Variants in FHIT observed in about 807,000 individuals in gnomAD.
FHIT encodes bis(5'-adenosyl)-triphosphatase.
In FHIT, 19 loss-of-function variants were observed where a neutral mutation model predicts 17.9. The ratio of observed to expected loss-of-function variants is 1.06; its 90% CI spans 0.74 to 1.56. The LOEUF is 1.56. FHIT is among the 40% of genes most tolerant of loss of function. FHIT has a pLI of 0.00. For synonymous variants in FHIT, 81 were observed against 69.7 expected (o/e 1.16, Z -0.81); for missense variants, 248 against 189.2 (o/e 1.31, Z -1.82).
At chr3:59,928,470 G>C (rs1230141978) in intron 7 of FHIT, among the ~76,000 whole-genome samples, 1 of 152,180 alleles carries the variant, frequency 6.6e-6, no homozygotes, top group Non-Finnish European at 1.5e-5. Context: ...GAGACTGGCA[G>C]AAAGGATTTG....
At chr3:60,214,269 G>A (rs530962223) in intron 5 of FHIT, among the ~76,000 whole-genome samples, 2 of 152,076 alleles carry the variant, frequency 1.3e-5, no homozygotes, top group Non-Finnish European at 2.9e-5. Context: ...AGATGAAATA[G>A]TTTCTAAATA....
At chr3:60,296,921 CA>C (rs34680230) in intron 5 of FHIT, among the ~76,000 whole-genome samples, 58,269 of 115,150 alleles carry the variant, frequency 0.51, 12,655 homozygotes, top group East Asian at 0.83. Flanking sequence ...TTTATTTTTG[CA>C]AAAAAAAAAA....
chr3:60,543,948 CAG>C (rs2036275863), intron 4 of FHIT, among the ~76,000 whole-genome samples: 1 of 56,220 alleles, frequency 1.8e-5, no homozygotes, highest in South Asian at 7.3e-4. Flanking sequence ...TTAGTAGAGA[CAG>C]GGTTTCACTG....
chr3:60,879,537 A>G (rs940649523), intron 3 of FHIT, among the ~76,000 whole-genome samples: 1 of 152,248 alleles, frequency 6.6e-6, no homozygotes, highest in Non-Finnish European at 1.5e-5. Flanking sequence ...TCAATGCCAA[A>G]GGAACAAAAT....
chr3:60,311,073 T>G (rs924912651), intron 5 of FHIT, among the ~76,000 whole-genome samples: 6 of 152,232 alleles, frequency 3.9e-5, no homozygotes, highest in Admixed American at 3.9e-4. Context: ...TTCTCAATTT[T>G]GTCAATTAAC....
chr3:59,778,990 C>A (rs184626281), intron 8 of FHIT, among the ~76,000 whole-genome samples: 1 of 152,212 alleles, frequency 6.6e-6, no homozygotes, highest in African/African-American at 2.4e-5. Context: ...GTGGCTAATG[C>A]CTATACCAGA....
intron 5 of FHIT, among the ~76,000 whole-genome samples, chr3:60,087,691 A>G (rs1703554061): frequency 6.6e-6 from 1 of 152,222 alleles, no homozygotes; most frequent in Non-Finnish European, 1.5e-5. Context: ...CTACTATGTA[A>G]CAAGGGTGAC....
At chr3:60,619,555 T>C (rs1171790164) in intron 4 of FHIT, among the ~76,000 whole-genome samples, 10 of 128,106 alleles carry the variant, frequency 7.8e-5, no homozygotes, top group Non-Finnish European at 1.2e-4. Flanking sequence ...AAAGCCCACA[T>C]AGTCTTTTCC....
intron 2 of FHIT, among the ~76,000 whole-genome samples, chr3:61,131,720 C>G (rs60099223): frequency 0.05 from 7,676 of 152,236 alleles, 650 homozygotes; most frequent in African/African-American, 0.17. Flanking sequence ...CCTGACAATT[C>G]TGAAACTCAA....
chr3:60,127,780 A>G (rs925082712), intron 5 of FHIT, among the ~76,000 whole-genome samples: 2 of 151,966 alleles, frequency 1.3e-5, no homozygotes, highest in African/African-American at 4.8e-5. Context: ...ATATATTTGT[A>G]TATATCCATG....
chr3:60,793,888 C>G (rs746624177), intron 4 of FHIT, among the ~76,000 whole-genome samples: 4 of 152,118 alleles, frequency 2.6e-5, no homozygotes, highest in African/African-American at 7.2e-5. Flanking sequence ...AGACCATTGC[C>G]GAAGCAGCCA....
chr3:60,233,156 T>C (rs565574329), intron 5 of FHIT, among the ~76,000 whole-genome samples: 1 of 152,302 alleles, frequency 6.6e-6, no homozygotes, highest in Non-Finnish European at 1.5e-5. Flanking sequence ...TCATATCTTA[T>C]AACATTTTTA....
At chr3:60,873,639 A>G (rs1158573062) in intron 3 of FHIT, among the ~76,000 whole-genome samples, 2 of 152,196 alleles carry the variant, frequency 1.3e-5, no homozygotes, top group African/African-American at 2.4e-5. Flanking sequence ...GGCCTACAGG[A>G]TGGGAAATTC....
At chr3:59,905,836 T>C (rs918419898) in intron 8 of FHIT, among the ~76,000 whole-genome samples, 42 of 152,198 alleles carry the variant, frequency 2.8e-4, no homozygotes, top group African/African-American at 9.6e-4. Flanking sequence ...AGATGTATCA[T>C]AGGTAAGTTT....
At chr3:60,453,124 T>A (rs1168604560) in intron 5 of FHIT, among the ~76,000 whole-genome samples, 2 of 152,072 alleles carry the variant, frequency 1.3e-5, no homozygotes, top group African/African-American at 4.8e-5. Flanking sequence ...CAAATTACAG[T>A]AACAGAGTTG....
intron 4 of FHIT, among the ~76,000 whole-genome samples, chr3:60,698,901 C>T (rs7636178): frequency 0.11 from 16,948 of 152,058 alleles, 2,047 homozygotes; most frequent in African/African-American, 0.3. Context: ...AGCACATCAC[C>T]CAGAGAAACT....
At chr3:59,918,737 A>C (rs1416170912) in intron 8 of FHIT, among the ~76,000 whole-genome samples, 1 of 152,234 alleles carries the variant, frequency 6.6e-6, no homozygotes, top group African/African-American at 2.4e-5. Flanking sequence ...AAGCAAGCCT[A>C]GGTAGAAGGC....
At chr3:59,829,726 G>A (rs763568661) in intron 8 of FHIT, among the ~76,000 whole-genome samples, 6 of 152,176 alleles carry the variant, frequency 3.9e-5, no homozygotes, top group Non-Finnish European at 7.4e-5. Flanking sequence ...GTATTTAAGA[G>A]CCAGCACATG....
chr3:60,588,904 A>G (rs2037991557), intron 4 of FHIT, among the ~76,000 whole-genome samples: 1 of 152,058 alleles, frequency 6.6e-6, no homozygotes, highest in Non-Finnish European at 1.5e-5. Flanking sequence ...TCCCAAGTTT[A>G]AGAATTCAGC....
Sources: allele counts gnomAD v4.1 joint callset (sites outside exome capture counted in the v4.1 genomes callset), GRCh38; gene constraint gnomAD v4.1.1; transcripts MANE v1.5; gene names NCBI Gene and HGNC (gene_info 2026-07-23, HGNC 2026-07-21).